Variants in AMPH observed in about 807,000 individuals in gnomAD.
AMPH encodes the protein amphiphysin (Stiff-Mann syndrome with breast cancer 128kD autoantigen).
A neutral mutation model predicts 99.1 loss-of-function variants in AMPH; 49 were observed. The observed-to-expected ratio is 0.49, with a 90% CI of 0.39 to 0.63. The LOEUF (loss-of-function observed/expected upper bound fraction) is 0.63. Ranked by LOEUF, AMPH falls within the 20% of genes least tolerant of loss-of-function variation. AMPH has a pLI of 0.00. For synonymous variants in AMPH, 314 were observed against 317.3 expected (o/e 0.99, Z 0.11); for missense variants, 759 against 863.4 (o/e 0.88, Z 1.52).
chr7:38,411,049 A>T (rs961106713), intron 17 of AMPH, among the ~76,000 whole-genome samples: 5 of 152,348 alleles, frequency 3.3e-5, no homozygotes, highest in African/African-American at 1.2e-4. Context: ...AAGCATCTGG[A>T]GTAGTCAGGA....
At chr7:38,421,697 A>T (rs1365595342) in intron 16 of AMPH, among the ~76,000 whole-genome samples, 1 of 152,380 alleles carries the variant, frequency 6.6e-6, no homozygotes, top group South Asian at 2.1e-4. Context: ...TATTCCCATG[A>T]GAAAACCATA....
chr7:38,419,167 A>G (rs139830774), intron 16 of AMPH, among the ~76,000 whole-genome samples: 3 of 152,202 alleles, frequency 2.0e-5, no homozygotes, highest in East Asian at 3.9e-4. Context: ...CTTCTATCCA[A>G]CTCACCATAA....
chr7:38,548,891 G>C (rs1791085058), intron 1 of AMPH, among the ~76,000 whole-genome samples: 1 of 140,868 alleles, frequency 7.1e-6, no homozygotes, highest in African/African-American at 2.5e-5. Context: ...TGTCTACGTG[G>C]CCAGTGCCAT....
chr7:38,446,589 G>A (rs1252119091), intron 11 of AMPH, among the ~76,000 whole-genome samples: 3 of 152,212 alleles, frequency 2.0e-5, no homozygotes, highest in Admixed American at 6.5e-5. Flanking sequence ...GCAACAGAAA[G>A]ATGAGTGTTT....
At chr7:38,406,731 C>CCTCTCTCTCTCTCTCT (rs56738810) in intron 17 of AMPH, among the ~76,000 whole-genome samples, 37 of 80,458 alleles carry the variant, frequency 4.6e-4, no homozygotes, top group African/African-American at 1.6e-3. Flanking sequence ...TCTCCCTTTC[C>CCTCTCTCTCTCTCTCT]CTCTCTCTCT....
At chr7:38,563,996 A>G (rs1355619934) in intron 1 of AMPH, among the ~76,000 whole-genome samples, 1 of 152,218 alleles carries the variant, frequency 6.6e-6, no homozygotes, top group East Asian at 1.9e-4. Flanking sequence ...GGTGTGATCA[A>G]TCATTCCCTT....
intron 11 of AMPH, among the ~76,000 whole-genome samples, chr7:38,452,197 C>T (rs1288418228): frequency 6.6e-6 from 1 of 152,036 alleles, no homozygotes; most frequent in African/African-American, 2.4e-5. Context: ...TGCTTTTCTT[C>T]CCCCATTAAG....
chr7:38,427,998 ATC>A, intron 14 of AMPH: 1 of 456,634 alleles, frequency 2.2e-6, no homozygotes, highest in Non-Finnish European at 4.4e-6. Context: ...TGGTCTTGCT[ATC>A]TCCTGGCTTT....
intron 11 of AMPH, among the ~76,000 whole-genome samples, chr7:38,440,057 C>T (rs78099559): frequency 0.052 from 7,844 of 152,176 alleles, 284 homozygotes; most frequent in African/African-American, 0.11. Flanking sequence ...CCGCCATTCA[C>T]CGTGAAAAGT....
intron 2 of AMPH, among the ~76,000 whole-genome samples, chr7:38,527,459 T>C (rs6962078): frequency 0.29 from 44,037 of 152,066 alleles, 7,643 homozygotes; most frequent in East Asian, 0.56. Context: ...AGATCCTGTA[T>C]GTGTTTTGTT....
Position 38,461,418 on chromosome 7 carries a change from A to T in AMPH, c.889-7T>A. ...CAGGAGGCCCTTTCCTTGTCTAGGA[A>T]GCATTAAATACAAACATTAATCCAG... On this transcript the variant is annotated splice_region_variant and splice_polypyrimidine_tract_variant and intron_variant, in intron 10 of 20. Coordinates refer to ENST00000356264, the MANE Select transcript of AMPH (RefSeq NM_001635.4). 1 of 1,614,014 alleles carries T rather than the reference A, an allele frequency of 6.2e-7. No homozygotes were observed. The highest frequency in any genetic ancestry group is 8.5e-7 in the Non-Finnish European group (1 of 1,179,866).
intron 17 of AMPH, among the ~76,000 whole-genome samples, chr7:38,396,350 T>C (rs1387815374): frequency 6.6e-6 from 1 of 152,246 alleles, no homozygotes; most frequent in Non-Finnish European, 1.5e-5. Context: ...GCACAAGCTC[T>C]GTTTTTGCCT....
At chr7:38,430,407 ATGAAAAAATC>A (rs1386395678) in intron 13 of AMPH, among the ~76,000 whole-genome samples, 61 of 152,328 alleles carry the variant, frequency 4.0e-4, no homozygotes, top group African/African-American at 1.4e-3. Context: ...TCTCCACATA[ATGAAAAAATC>A]TTGCAAAGTT....
chr7:38,390,441 T>C (rs1297800642), intron 19 of AMPH, among the ~76,000 whole-genome samples: 2 of 152,194 alleles, frequency 1.3e-5, no homozygotes, highest in Non-Finnish European at 2.9e-5. Context: ...AATTTTATTA[T>C]AGAAAAATAT....
intron 1 of AMPH, among the ~76,000 whole-genome samples, chr7:38,542,078 G>A (rs1220381799): frequency 6.6e-6 from 1 of 152,146 alleles, no homozygotes. Flanking sequence ...GGGAAAAATA[G>A]CTTGAGGAAT....
intron 1 of AMPH, among the ~76,000 whole-genome samples, chr7:38,630,548 T>A (rs569079554): frequency 6.6e-6 from 1 of 152,346 alleles, no homozygotes; most frequent in South Asian, 2.1e-4. Flanking sequence ...GGTCCTTCTT[T>A]GTGCAGAAAT....
chr7:38,459,234 G>T (rs1380119687), intron 11 of AMPH, among the ~76,000 whole-genome samples: 4 of 151,646 alleles, frequency 2.6e-5, no homozygotes, highest in African/African-American at 7.3e-5. Context: ...AAAAGGACAA[G>T]GATCAGAAAA....
At chr7:38,499,026 A>G (rs1789033447) in intron 3 of AMPH, among the ~76,000 whole-genome samples, 1 of 152,136 alleles carries the variant, frequency 6.6e-6, no homozygotes, top group African/African-American at 2.4e-5. Flanking sequence ...ATGGCCACCT[A>G]TGACCCCACT....
chr7:38,518,476 C>T (rs749428374), intron 2 of AMPH, among the ~76,000 whole-genome samples: 36 of 152,176 alleles, frequency 2.4e-4, no homozygotes, highest in African/African-American at 7.7e-4. Context: ...ACAGTGTATC[C>T]GGTAAATGGG....
Sources: allele counts gnomAD v4.1 joint callset (sites outside exome capture counted in the v4.1 genomes callset), GRCh38; gene constraint gnomAD v4.1.1; transcripts MANE v1.5; gene names NCBI Gene and HGNC (gene_info 2026-07-23, HGNC 2026-07-21).